The following STK32C variants were observed in gnomAD, a reference collection of about 807,000 sequenced individuals.
STK32C encodes the protein serine/threonine-protein kinase 32C.
STK32C carries 31 observed loss-of-function variants against 56.5 expected under a neutral mutation model. The ratio of observed to expected loss-of-function variants is 0.55; its 90% CI spans 0.41 to 0.74. The LOEUF is 0.74. Among genes scored for constraint, STK32C ranks in the 30% least tolerant of loss-of-function variants. The pLI is 0.00. For synonymous variants in STK32C, 309 were observed against 289.4 expected, an observed-to-expected ratio of 1.07 and a Z score of -0.69; for missense variants, 544 against 676.9, an observed-to-expected ratio of 0.80 and a Z score of 2.18.
At chr10:132,325,152 G>A (rs562320958) in intron 1 of STK32C, among the ~76,000 whole-genome samples, 12 of 152,300 alleles carry the variant, frequency 7.9e-5, no homozygotes, top group Admixed American at 7.8e-4. Context: ...ATTCCCACAT[G>A]TTGTGGGAGG....
At chr10:132,226,532 C>T (rs1184749670) in intron 4 of STK32C, among the ~76,000 whole-genome samples, 1 of 152,174 alleles carries the variant, frequency 6.6e-6, no homozygotes, top group Non-Finnish European at 1.5e-5. Context: ...GTGGTCTGTC[C>T]ACCAGGGCTA....
At chr10:132,282,651 C>T (rs1435547657) in intron 1 of STK32C, among the ~76,000 whole-genome samples, 1 of 152,226 alleles carries the variant, frequency 6.6e-6, no homozygotes, top group East Asian at 1.9e-4. Flanking sequence ...GAAATAACAA[C>T]AAAATAATAA....
intron 10 of STK32C, among the ~76,000 whole-genome samples, chr10:132,216,469 A>AG (rs1166441491): frequency 4.2e-5 from 5 of 119,018 alleles, no homozygotes; most frequent in Non-Finnish European, 8.2e-5. Context: ...GACTGTCTCA[A>AG]AAAAAAAAAA....
intron 1 of STK32C, among the ~76,000 whole-genome samples, chr10:132,265,769 C>T (rs2064500112): frequency 6.6e-6 from 1 of 152,194 alleles, no homozygotes; most frequent in African/African-American, 2.4e-5. Context: ...AGGAGAGAGG[C>T]TGTCCTTAGT....
At chr10:132,221,351 G>T (rs1351077371) in intron 10 of STK32C, among the ~76,000 whole-genome samples, 6 of 148,622 alleles carry the variant, frequency 4.0e-5, no homozygotes, top group African/African-American at 1.5e-4. Flanking sequence ...TGACGCACCT[G>T]GGCGAGTGTG....
At chr10:132,228,286 T>C in intron 2 of STK32C, 158 bp from the exon 3 acceptor site, 1 of 807,556 alleles carries the variant, frequency 1.2e-6, no homozygotes, top group Non-Finnish European at 2.1e-6. Context: ...ACGCGGCAGG[T>C]GCATTCCTCT....
In STK32C at chr10:132,222,804, G is replaced by A. The variant is rs367791320; in HGVS notation, c.1120-32C>T. ...AGGGATGGGTGCTGAGCCCCGGCCC[G>A]TGGAGGACGCCACATCCATCCCCAG... On this transcript the variant is annotated intron_variant, in intron 9 of 11. Coordinates refer to ENST00000298630, the MANE Select transcript of STK32C (RefSeq NM_173575.4). 571 of 1,593,192 alleles carry A rather than the reference G, an allele frequency of 3.6e-4. 1 individual carries two copies. Among genetic ancestry groups the A allele is most frequent in the Non-Finnish European group, 4.2e-4 (492 of 1,170,378 alleles).
intron 1 of STK32C, among the ~76,000 whole-genome samples, chr10:132,284,596 T>C (rs2065332712): frequency 6.6e-6 from 1 of 151,546 alleles, no homozygotes; most frequent in Non-Finnish European, 1.5e-5. Flanking sequence ...GCTGCAGCCC[T>C]GGGAACCACC....
At chr10:132,251,405 T>C (rs2063900371) in intron 1 of STK32C, among the ~76,000 whole-genome samples, 1 of 151,924 alleles carries the variant, frequency 6.6e-6, no homozygotes, top group Non-Finnish European at 1.5e-5. Context: ...AGGGTTGGGG[T>C]CATGTCACTT....
At chr10:132,235,493 T>TCAAAAAAAA (rs1565091831) in intron 2 of STK32C, among the ~76,000 whole-genome samples, 3,663 of 71,464 alleles carry the variant, frequency 0.051, 887 homozygotes, top group Admixed American at 0.065. Flanking sequence ...AGACTCAGCC[T>TCAAAAAAAA]TAAAAAAAAA....
At chr10:132,309,625 C>T (rs114404262), upstream of STK32C, among the ~76,000 whole-genome samples, 754 of 152,290 alleles carry the variant, frequency 5.0e-3, 9 homozygotes, top group African/African-American at 0.017. Flanking sequence ...CCAGCAGGCA[C>T]GCAGAAGGCA....
intron 2 of STK32C, among the ~76,000 whole-genome samples, chr10:132,230,634 G>A (rs896893919): frequency 7.1e-6 from 1 of 140,026 alleles, no homozygotes; most frequent in African/African-American, 2.6e-5. Context: ...CTGGCTTGGG[G>A]CCACTGGCTG....
At chr10:132,229,641 G>A (rs902039447) in intron 2 of STK32C, among the ~76,000 whole-genome samples, 8 of 152,208 alleles carry the variant, frequency 5.3e-5, no homozygotes, top group Non-Finnish European at 8.8e-5. Flanking sequence ...TTCCTGTACT[G>A]GTTAGTGTGT....
At chr10:132,282,306 G>A (rs998555574) in intron 1 of STK32C, among the ~76,000 whole-genome samples, 4 of 152,248 alleles carry the variant, frequency 2.6e-5, no homozygotes, top group Admixed American at 6.5e-5. Context: ...TCCCCAGGCC[G>A]TCCAGAGTCG....
upstream of STK32C, among the ~76,000 whole-genome samples, chr10:132,308,744 G>C (rs2066161553): frequency 6.6e-6 from 1 of 152,204 alleles, no homozygotes; most frequent in Non-Finnish European, 1.5e-5. Flanking sequence ...TTGTCCAGAT[G>C]CGACAGGGGC....
At chr10:132,217,051 C>G (rs971521120) in intron 10 of STK32C, among the ~76,000 whole-genome samples, 1 of 152,210 alleles carries the variant, frequency 6.6e-6, no homozygotes, top group African/African-American at 2.4e-5. Flanking sequence ...TCCTCTACAC[C>G]CCAGAATGGT....
chr10:132,213,406 C>A (rs898928771), intron 10 of STK32C, among the ~76,000 whole-genome samples: 2 of 152,220 alleles, frequency 1.3e-5, no homozygotes, highest in Non-Finnish European at 2.9e-5. Flanking sequence ...CCACAAGACG[C>A]AGACTCTCTC....
intron 1 of STK32C, among the ~76,000 whole-genome samples, chr10:132,327,254 C>G (rs2066518026): frequency 6.6e-6 from 1 of 152,194 alleles, no homozygotes; most frequent in Admixed American, 6.5e-5. Context: ...CAAGCTTTCT[C>G]TCCTTTTGCC....
chr10:132,246,085 G>C, intron 1 of STK32C, 130 bp from the exon 2 acceptor site: 1 of 920,460 alleles, frequency 1.1e-6, no homozygotes, highest in Admixed American at 1.9e-5. Flanking sequence ...GGTCGCCGTG[G>C]GGCGGGCCAA....
Sources: allele counts gnomAD v4.1 joint callset (sites outside exome capture counted in the v4.1 genomes callset), GRCh38; gene constraint gnomAD v4.1.1; transcripts MANE v1.5; gene names NCBI Gene and HGNC (gene_info 2026-07-23, HGNC 2026-07-21).